Variants in WWOX observed in about 807,000 individuals in gnomAD.
WWOX encodes WW domain-containing oxidoreductase.
Under a neutral mutation model 46.2 loss-of-function variants are expected in WWOX, and 69 were observed. That is an observed-to-expected ratio of 1.49 (90% CI 1.23 to 1.82). The LOEUF (loss-of-function observed/expected upper bound fraction) is 1.82, where lower values mean the gene tolerates loss of function less well. WWOX is among the 40% of genes most tolerant of loss of function. WWOX has a pLI of 0.00. For missense variants in WWOX, 919 were observed against 542.6 expected, an observed-to-expected ratio of 1.69 and a Z score of -6.89; for synonymous variants, 359 against 202.6, an observed-to-expected ratio of 1.77 and a Z score of -6.56.
intron 8 of WWOX, among the ~76,000 whole-genome samples, chr16:79,006,857 A>G (rs2047200836): frequency 6.6e-6 from 1 of 152,238 alleles, no homozygotes; most frequent in South Asian, 2.1e-4. Context: ...CTCTCTCTTC[A>G]GATTCCCTCT....
chr16:78,123,400 G>A (rs1454837695), intron 4 of WWOX: 1 of 144,240 alleles, frequency 6.9e-6, no homozygotes, highest in Non-Finnish European at 1.5e-5. Context: ...CATTTTGAAC[G>A]CCTTGGTGAC....
At chr16:79,197,364 G>A (rs889714628) in intron 8 of WWOX, among the ~76,000 whole-genome samples, 2 of 152,164 alleles carry the variant, frequency 1.3e-5, no homozygotes, top group African/African-American at 4.8e-5. Context: ...AGCTGAGTGT[G>A]TACATTTCCT....
intron 8 of WWOX, among the ~76,000 whole-genome samples, chr16:78,935,743 C>G (rs1308140383): frequency 4.0e-5 from 6 of 151,846 alleles, no homozygotes; most frequent in Non-Finnish European, 5.9e-5. Context: ...TACCCTAGAA[C>G]TTAAAGTATA....
intron 5 of WWOX, among the ~76,000 whole-genome samples, chr16:78,265,667 A>C (rs207476197): frequency 7.3e-6 from 1 of 136,542 alleles, no homozygotes; most frequent in African/African-American, 2.9e-5. Flanking sequence ...AACAAGAGCG[A>C]AACTCCATGT....
At chr16:78,324,805 A>T (rs1263169601) in intron 5 of WWOX, among the ~76,000 whole-genome samples, 3 of 149,538 alleles carry the variant, frequency 2.0e-5, no homozygotes, top group Non-Finnish European at 4.4e-5. Flanking sequence ...GCGGGATAGG[A>T]GGGGTAGAGG....
chr16:79,132,484 TA>T (rs1406017210), intron 8 of WWOX, among the ~76,000 whole-genome samples: 4 of 152,174 alleles, frequency 2.6e-5, no homozygotes, highest in Admixed American at 2.0e-4. Context: ...TTGGGAGAGT[TA>T]CTTGCCACGT....
intron 8 of WWOX, among the ~76,000 whole-genome samples, chr16:78,992,369 A>T (rs929719705): frequency 6.6e-6 from 1 of 152,116 alleles, no homozygotes; most frequent in Non-Finnish European, 1.5e-5. Flanking sequence ...CTGGAGGCTG[A>T]GGCAGGAGAA....
intron 8 of WWOX, among the ~76,000 whole-genome samples, chr16:79,052,447 A>G (rs1316338945): frequency 1.3e-5 from 2 of 152,208 alleles, no homozygotes; most frequent in African/African-American, 2.4e-5. Flanking sequence ...TACCCAAAGG[A>G]CTATAAATCT....
At chr16:78,356,157 A>C (rs1251112028) in intron 5 of WWOX, among the ~76,000 whole-genome samples, 8 of 147,480 alleles carry the variant, frequency 5.4e-5, no homozygotes, top group Admixed American at 2.1e-4. Flanking sequence ...ACTGCACTCC[A>C]GCTTGGGCGA....
intron 8 of WWOX, among the ~76,000 whole-genome samples, chr16:78,725,691 A>T (rs1016895051): frequency 6.6e-6 from 1 of 152,044 alleles, no homozygotes; most frequent in Non-Finnish European, 1.5e-5. Context: ...AACAACAGAA[A>T]TGTATCATCT....
intron 5 of WWOX, among the ~76,000 whole-genome samples, chr16:78,211,882 G>C (rs988821503): frequency 6.6e-6 from 1 of 152,258 alleles, no homozygotes; most frequent in Admixed American, 6.5e-5. Context: ...TCAAATCCAG[G>C]CTCTGTCATT....
At chr16:78,161,445 T>C (rs2151732404) in intron 4 of WWOX, among the ~76,000 whole-genome samples, 1 of 152,034 alleles carries the variant, frequency 6.6e-6, no homozygotes, top group Middle Eastern at 3.4e-3. Flanking sequence ...TCTCTTTCCT[T>C]TCTTTCTTCC....
intron 5 of WWOX, among the ~76,000 whole-genome samples, chr16:78,243,459 C>G (rs1469283272): frequency 6.6e-6 from 1 of 152,158 alleles, no homozygotes; most frequent in East Asian, 1.9e-4. Context: ...TCTTTTGTCA[C>G]CCAGGTCAGA....
intron 8 of WWOX, among the ~76,000 whole-genome samples, chr16:78,618,859 C>T (rs571483474): frequency 9.2e-5 from 14 of 151,772 alleles, no homozygotes; most frequent in East Asian, 2.0e-4. Context: ...ACAGGCTATA[C>T]GCGGACACCT....
At chr16:78,309,763 G>A (rs1349998218) in intron 5 of WWOX, among the ~76,000 whole-genome samples, 2 of 152,210 alleles carry the variant, frequency 1.3e-5, no homozygotes, top group Non-Finnish European at 2.9e-5. Flanking sequence ...TAAGAGAAAT[G>A]AAAGGATGAT....
chr16:78,753,709 G>A (rs2049545421), intron 8 of WWOX, among the ~76,000 whole-genome samples: 1 of 149,974 alleles, frequency 6.7e-6, no homozygotes, highest in Non-Finnish European at 1.5e-5. Flanking sequence ...GGCTGAGGTG[G>A]GAGGATTGCT....
At chr16:78,615,912 A>G (rs1255857649) in intron 8 of WWOX, among the ~76,000 whole-genome samples, 1 of 151,942 alleles carries the variant, frequency 6.6e-6, no homozygotes, top group African/African-American at 2.4e-5. Context: ...CACCACACTC[A>G]GCTAATTTTT....
At chr16:78,133,141 G>A (rs145821947) in intron 4 of WWOX, among the ~76,000 whole-genome samples, 4 of 152,278 alleles carry the variant, frequency 2.6e-5, no homozygotes, top group African/African-American at 9.6e-5. Context: ...TGGTTATAAA[G>A]CTAGTCTTGT....
intron 6 of WWOX, among the ~76,000 whole-genome samples, chr16:78,422,655 T>C (rs1321832039): frequency 1.8e-4 from 4 of 22,422 alleles, no homozygotes; most frequent in African/African-American, 2.6e-4. Context: ...CTCCTGTTTT[T>C]TTTACATGTA....
Sources: gnomAD v4.1 joint callset for allele counts (sites outside exome capture counted in the v4.1 genomes callset) on GRCh38, gnomAD v4.1.1 for gene constraint, MANE v1.5 for transcripts, NCBI Gene and HGNC (gene_info 2026-07-23, HGNC 2026-07-21) for gene names.